Variants in KLHL32 observed in about 807,000 individuals in gnomAD.
KLHL32 encodes kelch-like protein 32.
Under a neutral mutation model 64.8 loss-of-function variants are expected in KLHL32, and 35 were observed. That is an observed-to-expected ratio of 0.54 (90% CI 0.41 to 0.72). The LOEUF (loss-of-function observed/expected upper bound fraction) is 0.72, where lower values mean the gene tolerates loss of function less well. Among genes scored for constraint, KLHL32 ranks in the 30% least tolerant of loss-of-function variants. The pLI is 0.00. For missense variants in KLHL32, 589 were observed against 768.5 expected (o/e 0.77, Z 2.76); for synonymous variants, 259 against 281.0 (o/e 0.92, Z 0.78).
At chr6:96,911,824 C>CCTTTTTTTT in the KLHL32 span, among the ~76,000 whole-genome samples, 2 of 54,078 alleles carry the variant, frequency 3.7e-5, no homozygotes, top group African/African-American at 1.4e-4. Flanking sequence ...CTCGGTCCTT[C>CCTTTTTTTT]TTTTTTTTTT....
chr6:96,954,536 A>G (rs552855368), intron 1 of KLHL32, among the ~76,000 whole-genome samples: 2 of 152,108 alleles, frequency 1.3e-5, no homozygotes, highest in Non-Finnish European at 2.9e-5. Flanking sequence ...TGGCTTAGTT[A>G]TATTCCCCAG....
chr6:97,005,948 A>G (rs1582674522), intron 3 of KLHL32, among the ~76,000 whole-genome samples: 1 of 152,274 alleles, frequency 6.6e-6, no homozygotes, highest in East Asian at 1.9e-4. Flanking sequence ...AGAAGAGAAG[A>G]ATGTATAGTA....
chr6:97,130,677 A>C (rs1216050898), intron 8 of KLHL32, 80 bp from the exon 9 acceptor site: 3 of 1,066,752 alleles, frequency 2.8e-6, no homozygotes, highest in Admixed American at 4.9e-5. Context: ...TAGGGTTCTC[A>C]CTACTTATGA....
chr6:97,112,188 C>G (rs1197468956), intron 6 of KLHL32, among the ~76,000 whole-genome samples: 1 of 152,142 alleles, frequency 6.6e-6, no homozygotes, highest in East Asian at 1.9e-4. Flanking sequence ...TGCCTCCTGT[C>G]CCTATCAAAA....
At chr6:97,026,532 G>T (rs6929152) in intron 3 of KLHL32, among the ~76,000 whole-genome samples, 9,905 of 152,210 alleles carry the variant, frequency 0.065, 692 homozygotes, top group African/African-American at 0.17. Flanking sequence ...CCCTGTCTGT[G>T]TGCATGCCTA....
chr6:97,046,491 G>A (rs966636449), intron 4 of KLHL32, among the ~76,000 whole-genome samples: 1 of 151,916 alleles, frequency 6.6e-6, no homozygotes, highest in African/African-American at 2.4e-5. Flanking sequence ...TTCTAAACTT[G>A]GAAACTGTGC....
chr6:97,001,295 T>C (rs192960820), intron 3 of KLHL32, among the ~76,000 whole-genome samples: 272 of 152,298 alleles, frequency 1.8e-3, no homozygotes, highest in Admixed American at 4.4e-3. Flanking sequence ...CTCTCTATAC[T>C]TTCTACTCAG....
chr6:96,911,268 C>T, the KLHL32 span, among the ~76,000 whole-genome samples: 5,107 of 152,220 alleles, frequency 0.034, 120 homozygotes, highest in Middle Eastern at 0.071. Context: ...AAAATCTTGA[C>T]GTCTCTTGCG....
intron 6 of KLHL32, among the ~76,000 whole-genome samples, chr6:97,109,126 C>G (rs939901354): frequency 2.0e-5 from 3 of 152,126 alleles, no homozygotes; most frequent in African/African-American, 7.2e-5. Flanking sequence ...TCCAGTCCCC[C>G]ACCTGCTGAA....
intron 3 of KLHL32, among the ~76,000 whole-genome samples, chr6:97,018,345 C>T (rs905041456): frequency 4.6e-5 from 7 of 151,308 alleles, no homozygotes; most frequent in African/African-American, 7.3e-5. Context: ...TGGCCAGGCA[C>T]GGACACCAAG....
intron 3 of KLHL32, among the ~76,000 whole-genome samples, chr6:97,016,309 G>A (rs1037426776): frequency 5.9e-5 from 9 of 152,354 alleles, no homozygotes; most frequent in East Asian, 3.9e-4. Context: ...TGTACCCTGC[G>A]AAGCCACAGG....
intron 5 of KLHL32, among the ~76,000 whole-genome samples, chr6:97,070,150 G>C (rs1790478382): frequency 6.6e-6 from 1 of 152,152 alleles, no homozygotes; most frequent in Non-Finnish European, 1.5e-5. Flanking sequence ...AATGCACTGA[G>C]TGCTGTTCCA....
At chr6:97,121,847 C>T (rs1021513605) in intron 7 of KLHL32, among the ~76,000 whole-genome samples, 4 of 152,096 alleles carry the variant, frequency 2.6e-5, no homozygotes, top group Non-Finnish European at 5.9e-5. Context: ...GTTAAAGCTA[C>T]GCCATAGAAA....
intron 6 of KLHL32, among the ~76,000 whole-genome samples, chr6:97,101,562 G>A (rs112754842): frequency 0.013 from 1,919 of 152,290 alleles, 44 homozygotes; most frequent in African/African-American, 0.043. Flanking sequence ...TGACTTATAT[G>A]CTGAGTATTG....
rs781002914 is a variant in KLHL32, at chr6:97,130,872, G to A, written c.1529G>A (p.Arg510Gln). 5 of 1,614,076 alleles carry A rather than the reference G, an allele frequency of 3.1e-6. No individual in the cohort carries two copies. The highest frequency in any genetic ancestry group is 4.2e-6 in the Non-Finnish European group (5 of 1,179,972). The part of the protein sequence containing the change: ...GGNDLDYNND[R>Q]ILVRHIDSYN... ...AATGACCTAGACTACAATAATGACC[G>A]GATCCTTGTGCGCCATATAGATTCT... Residue 510 changes from arginine to glutamine, a missense_variant, in exon 9 of 11, where the codon CGG becomes CAG. Around this residue, in one of 3 missense-constraint regions of KLHL32, gnomAD observed 172 missense variants for 192.0 expected, o/e 0.90. Coordinates refer to ENST00000369261, the MANE Select transcript of KLHL32 (RefSeq NM_052904.4).
At position 97,030,171 on chromosome 6, in the gene KLHL32, C is replaced by T. The variant is rs75747996; in HGVS notation, c.205-11321C>T. On this transcript the variant is annotated intron_variant, in intron 3 of 10. Transcript: ENST00000369261. ...AACTCCAAAGCTGCACATAGTTTGC[C>T]AGGTAAAAAGATCATATTTTACCAG... Among the ~76,000 whole-genome samples the T allele has an allele frequency of 2.9e-4, 44 of 152,292 alleles. No individual in the cohort carries two copies. The East Asian group carries it at 8.5e-3, about 29-fold the overall frequency.
chr6:97,129,481 A>T lies in KLHL32; in HGVS notation c.1414-1276A>T, dbSNP rs985051795. On this transcript the variant is annotated intron_variant, in intron 8 of 10. Transcript: ENST00000369261. ...TCATATTTGGTCTTCATTTAATTTTACAATGAGAGCCTTATTTTAAGAAAG... is the reference window on the plus strand; with the variant it reads ...TCATATTTGGTCTTCATTTAATTTTTCAATGAGAGCCTTATTTTAAGAAAG... Among the ~76,000 whole-genome samples, 8 of 152,360 alleles carry T rather than the reference A, an allele frequency of 5.3e-5. No individual in the cohort carries two copies. The South Asian group carries it at 1.7e-3, about 32-fold the overall frequency.
chr6:97,037,969 T>C (rs1784545489), intron 3 of KLHL32, among the ~76,000 whole-genome samples: 1 of 152,158 alleles, frequency 6.6e-6, no homozygotes, highest in Admixed American at 6.5e-5. Context: ...CATAACTATA[T>C]GCAGAAGAAT....
At chr6:96,923,814 T>C (rs891563234), upstream of KLHL32, among the ~76,000 whole-genome samples, 25 of 152,244 alleles carry the variant, frequency 1.6e-4, no homozygotes, top group Non-Finnish European at 1.3e-4. Flanking sequence ...TCTGGTGTCT[T>C]ACCTCCACGT....
Sources: allele counts gnomAD v4.1 joint callset (sites outside exome capture counted in the v4.1 genomes callset), GRCh38; gene constraint gnomAD v4.1.1; regional missense constraint gnomAD v4.1.1; transcripts MANE v1.5; gene names NCBI Gene and HGNC (gene_info 2026-07-23, HGNC 2026-07-21).